RGPD3: variants seen among roughly 807,000 people sequenced by gnomAD.
RGPD3 encodes RANBP2 like and GRIP domain containing 3.
Under a neutral mutation model 154.5 loss-of-function variants are expected in RGPD3, and 62 were observed. The ratio of observed to expected loss-of-function variants is 0.40; its 90% confidence interval spans 0.33 to 0.50. The LOEUF is 0.50. RGPD3 is among the 20% of genes least tolerant of loss of function. The pLI is 0.59. For missense variants in RGPD3, 919 were observed against 1,716.8 expected, an observed-to-expected ratio of 0.54 and a Z score of 8.21; for synonymous variants, 308 against 607.0, an observed-to-expected ratio of 0.51 and a Z score of 7.24.
chr2:106,441,688 C>G (rs1377449826), intron 7 of RGPD3, among the ~76,000 whole-genome samples: 1 of 147,898 alleles, frequency 6.8e-6, no homozygotes, highest in Non-Finnish European at 1.5e-5. Flanking sequence ...AACACAGTCT[C>G]TACTAAAAAT....
rs564958208 is a variant in RGPD3, at chr2:106,415,904, G to A, written c.5010C>T (p.Asn1670=). The change falls in exon 21 of 23, where the codon AAC becomes AAT. Residue 1670 remains asparagine, a synonymous_variant. Coordinates refer to ENST00000409886, the MANE Select transcript of RGPD3 (RefSeq NM_001144013.2). ...TTGCCTCTATTTCCCGAAGCAGGCC[G>A]TTTAAGTGATCTGCACTTTTTGTGG... ...SSTTKSADHL[N]GLLREIEATN... The A allele has an allele frequency of 2.3e-5, 37 of 1,611,820 alleles. No individual in the cohort carries two copies. In the East Asian group the frequency reaches 3.6e-4, roughly 16 times the overall value.
intron 6 of RGPD3, among the ~76,000 whole-genome samples, chr2:106,451,097 A>C (rs572381260): frequency 1.5e-5 from 2 of 133,976 alleles, no homozygotes; most frequent in Non-Finnish European, 3.3e-5. Context: ...CAAAAAAAAA[A>C]AAACAAAAAA....
In RGPD3 at chr2:106,439,006, T is replaced by G; in HGVS notation, c.1238A>C (p.Gln413Pro). The part of the protein sequence containing the change: ...GSDDIGNIDV[Q>P]EPELEDLARY... The stretch of plus-strand genomic sequence containing the variant: ...AGCCAAATCTTCAAGCTCTGGTTCT[T>G]GTACATCAATGTTTCCAATATCATC... The change falls in exon 9 of 23, where the codon CAA becomes CCA. Residue 413 changes from glutamine (Q) to proline (P), a missense_variant. Gln to Pro is a moderately conservative substitution (Grantham distance 76, BLOSUM62 -1). Coordinates refer to ENST00000409886, the MANE Select transcript of RGPD3 (RefSeq NM_001144013.2). 1 of 284,348 alleles carries G rather than the reference T, an allele frequency of 3.5e-6. No individual in the cohort carries two copies. The allele number at this position is 284,348 out of a possible 1,614,324, so 17.6% of individuals were successfully genotyped here.
At chr2:106,411,786 C>A (rs1205752763) in intron 22 of RGPD3, among the ~76,000 whole-genome samples, 1 of 152,106 alleles carries the variant, frequency 6.6e-6, no homozygotes, top group African/African-American at 2.4e-5. Flanking sequence ...CCACTGCACT[C>A]CAGCCAGGGT....
chr2:106,442,496 T>TTA (rs1553461268), intron 7 of RGPD3, among the ~76,000 whole-genome samples: 1 of 82,366 alleles, frequency 1.2e-5, no homozygotes, highest in African/African-American at 4.7e-5. Context: ...CAATAACCTA[T>TTA]GAAAAAAAAA....
At chr2:106,464,040 G>A (rs79240125) in intron 1 of RGPD3, among the ~76,000 whole-genome samples, 8,585 of 151,946 alleles carry the variant, frequency 0.057, 143 homozygotes, top group Non-Finnish European at 0.084. Context: ...GAGCATAATA[G>A]CCAGTACAGA....
In RGPD3 at chr2:106,425,125, G is replaced by A. The variant is rs776193682; in HGVS notation, c.2842C>T (p.Gln948Ter). Residue 948 changes from glutamine to a stop codon, truncating the protein, a stop_gained, in exon 20 of 23, where the codon CAG (glutamine) becomes TAG (stop). Transcript: ENST00000409886. LOFTEE classifies it high-confidence loss of function. ...EKPLENDTGL[Q>*]AQDISGRKKG... ...TTCCGGCCACTAATATCCTGAGCCT[G>A]TAAGCCAGTATCATTTTCAAGAGGC... The A allele has an allele frequency of 2.5e-6, 4 of 1,611,980 alleles. No individual in the cohort carries two copies. The highest frequency in any genetic ancestry group is 2.2e-5 in the East Asian group (1 of 44,880).
At chr2:106,446,253 T>C (rs1441091868) in intron 7 of RGPD3, among the ~76,000 whole-genome samples, 1 of 121,810 alleles carries the variant, frequency 8.2e-6, no homozygotes, top group South Asian at 2.9e-4. Flanking sequence ...TCAAAAGTTA[T>C]GCAGGCTCAT....
intron 6 of RGPD3, among the ~76,000 whole-genome samples, chr2:106,449,819 C>A (rs2104502099): frequency 6.6e-6 from 1 of 151,574 alleles, no homozygotes; most frequent in Non-Finnish European, 1.5e-5. Context: ...ATATCAAGAC[C>A]ATCCTGGCTA....
intron 9 of RGPD3, among the ~76,000 whole-genome samples, chr2:106,438,348 C>T (rs182327724): frequency 0.059 from 8,850 of 150,108 alleles, 370 homozygotes; most frequent in Non-Finnish European, 0.088. Context: ...ATTATCTGGG[C>T]CGAGTGGCAT....
rs201811240 is a variant in RGPD3 at position 106,425,103 on chromosome 2, C to T, written c.2864G>A (p.Arg955Gln). 180 of 1,611,916 alleles carry T rather than the reference C, an allele frequency of 1.1e-4. No individual in the cohort carries two copies. The highest frequency in any genetic ancestry group is 1.0e-3 in the African/African-American group (78 of 74,950). The change falls in exon 20 of 23, where the codon CGG becomes CAG. Residue 955 changes from arginine (R) to glutamine (Q), a missense_variant. Transcript: ENST00000409886. ...TGLQAQDISG[R>Q]KKGRGVIFGQ... ...AAAAATCACACCACGGCCCTTCTTCCGGCCACTAATATCCTGAGCCTGTAA... is the reference window on the plus strand; with the variant it reads ...AAAAATCACACCACGGCCCTTCTTCTGGCCACTAATATCCTGAGCCTGTAA...
chr2:106,468,345 T>C lies in RGPD3; in HGVS notation c.-57A>G. ...AGACCAGCGCTCAGCCCCGCAGCAG[T>C]CGCCAATTCCAAGAGGAAAGCGCCT... On this transcript the variant is annotated 5_prime_UTR_variant, in exon 1 of 23. Transcript: ENST00000409886. 1 of 1,561,076 alleles carries C rather than the reference T, an allele frequency of 6.4e-7. No individual in the cohort carries two copies. The highest frequency in any genetic ancestry group is 8.7e-7 in the Non-Finnish European group (1 of 1,153,822).
chr2:106,450,177 A>G (rs1678069117), intron 6 of RGPD3, among the ~76,000 whole-genome samples: 1 of 130,362 alleles, frequency 7.7e-6, no homozygotes, highest in Non-Finnish European at 1.6e-5. Context: ...CAGGAGATCG[A>G]GACCATCCTG....
chr2:106,442,924 C>CT (rs1454681803), intron 7 of RGPD3, among the ~76,000 whole-genome samples: 1 of 148,032 alleles, frequency 6.8e-6, no homozygotes. Context: ...TACTGCAATT[C>CT]TTTCAGGAAT....
upstream of RGPD3, chr2:106,470,930 T>G: frequency 6.4e-7 from 1 of 1,568,116 alleles, no homozygotes; most frequent in South Asian, 1.2e-5. Flanking sequence ...TAAAAACCTT[T>G]CCCACCTTTA....
At chr2:106,449,143 T>G (rs2104500712) in intron 6 of RGPD3, among the ~76,000 whole-genome samples, 1 of 151,964 alleles carries the variant, frequency 6.6e-6, no homozygotes, top group Non-Finnish European at 1.5e-5. Context: ...ACTTTTTTGC[T>G]GTTGGAAAAT....
intron 1 of RGPD3, among the ~76,000 whole-genome samples, chr2:106,464,556 C>T (rs201943095): frequency 0.31 from 41,760 of 133,808 alleles, 3,382 homozygotes; most frequent in African/African-American, 0.37. Context: ...ATGAGCAACA[C>T]AGCAAGACCC....
intron 6 of RGPD3, among the ~76,000 whole-genome samples, chr2:106,450,532 C>A (rs1260105569): frequency 6.9e-6 from 1 of 144,052 alleles, no homozygotes; most frequent in Non-Finnish European, 1.5e-5. Flanking sequence ...GAGCCTCCCC[C>A]TCTGAGGGCC....
At chr2:106,466,600 CG>C (rs1224395284) in intron 1 of RGPD3, among the ~76,000 whole-genome samples, 3 of 52,560 alleles carry the variant, frequency 5.7e-5, no homozygotes, top group Non-Finnish European at 7.4e-5. Flanking sequence ...CAGCGCCCGT[CG>C]GGAGCCATGA....
Sources: gnomAD v4.1 joint callset for allele counts (sites outside exome capture counted in the v4.1 genomes callset) on GRCh38, gnomAD v4.1.1 for gene constraint, MANE v1.5 for transcripts, NCBI Gene and HGNC (gene_info 2026-07-23, HGNC 2026-07-21) for gene names.